PHLPP1: variants seen among roughly 807,000 people sequenced by gnomAD.
PHLPP1 encodes the protein PH domain and leucine rich repeat protein phosphatase 1.
A neutral mutation model predicts 117.2 loss-of-function variants in PHLPP1; 42 were observed. The ratio of observed to expected loss-of-function variants is 0.36; its 90% CI spans 0.28 to 0.46. PHLPP1 has a LOEUF of 0.46. PHLPP1 is among the 20% of genes least tolerant of loss of function. The probability of loss-of-function intolerance (pLI) is 1.00; values close to 1 mark genes in which losing one functional copy is unlikely to be tolerated. For synonymous variants in PHLPP1, 1,042 were observed against 970.7 expected (o/e 1.07, Z -1.37); for missense variants, 2,084 against 2,241.9 (o/e 0.93, Z 1.42).
At chr18:62,788,781 TGG>T (rs1913374300) in intron 1 of PHLPP1, among the ~76,000 whole-genome samples, 1 of 152,200 alleles carries the variant, frequency 6.6e-6, no homozygotes, top group Admixed American at 6.5e-5. Context: ...AGATAAAAGA[TGG>T]TTTACTCACA....
At chr18:62,812,056 G>C (rs1914139011) in intron 1 of PHLPP1, among the ~76,000 whole-genome samples, 1 of 152,222 alleles carries the variant, frequency 6.6e-6, no homozygotes, top group Non-Finnish European at 1.5e-5. Context: ...CAACCTCCTA[G>C]TTAGAACCAC....
intron 1 of PHLPP1, among the ~76,000 whole-genome samples, chr18:62,764,644 C>T (rs1228869355): frequency 2.7e-5 from 4 of 148,020 alleles, no homozygotes; most frequent in East Asian, 2.0e-4. Context: ...CCCAGCTACT[C>T]GAGAGGCTGA....
intron 14 of PHLPP1, among the ~76,000 whole-genome samples, chr18:62,967,650 A>G (rs1319155671): frequency 1.6e-4 from 25 of 152,008 alleles, no homozygotes; most frequent in Non-Finnish European, 2.4e-4. Flanking sequence ...CTTAGTTTTT[A>G]TAATAAACAG....
At chr18:62,938,974 T>TTTTCTTTCTTTC (rs71340137) in intron 10 of PHLPP1, among the ~76,000 whole-genome samples, 1 of 140,280 alleles carries the variant, frequency 7.1e-6, no homozygotes, top group African/African-American at 2.6e-5. Context: ...TTTTTGTCTT[T>TTTTCTTTCTTTC]TTTCTTTCTT....
intron 1 of PHLPP1, among the ~76,000 whole-genome samples, chr18:62,718,867 G>A (rs1338806297): frequency 1.3e-5 from 2 of 152,206 alleles, no homozygotes; most frequent in African/African-American, 2.4e-5. Context: ...ATTGTGATAA[G>A]TGTCCACGGA....
At chr18:62,731,317 C>G (rs182434257) in intron 1 of PHLPP1, 90 of 152,296 alleles carry the variant, frequency 5.9e-4, no homozygotes, top group African/African-American at 2.0e-3. Flanking sequence ...AGTATATATG[C>G]TGCCGAAGTG....
intron 10 of PHLPP1, among the ~76,000 whole-genome samples, chr18:62,928,916 T>C (rs1347556373): frequency 6.6e-6 from 1 of 152,192 alleles, no homozygotes; most frequent in East Asian, 1.9e-4. Context: ...TATGATTCTT[T>C]TTATATGAAA....
At position 62,869,264 on chromosome 18, in the gene PHLPP1, C is replaced by T. The variant is rs139242057; in HGVS notation, c.2066+8663C>T. 1.1e-3 allele frequency among the ~76,000 whole-genome samples: 174 copies of T among 152,184 alleles called. 2 individuals are homozygous for T. The highest frequency in any genetic ancestry group is 3.9e-3 in the African/African-American group (160 of 41,530). ...TGTCTTTGAATCAGGGACTCTGGTT[C>T]GTTTTCTTCCAGGGAATAAACTGTC... is the stretch of plus-strand genomic sequence containing the variant. On this transcript the variant is annotated intron_variant, in intron 4 of 16. Transcript: ENST00000262719.
intron 2 of PHLPP1, chr18:62,838,366 C>A (rs1914964168): frequency 6.5e-6 from 1 of 153,970 alleles, no homozygotes; most frequent in African/African-American, 2.4e-5. Flanking sequence ...GGTTTTATTA[C>A]AGGTTAATTT....
At chr18:62,926,935 C>T (rs183940623) in intron 10 of PHLPP1, among the ~76,000 whole-genome samples, 48 of 152,180 alleles carry the variant, frequency 3.2e-4, no homozygotes, top group East Asian at 3.1e-3. Flanking sequence ...TTGTGTCAAG[C>T]GACGGCAGAT....
chr18:62,903,996 T>C (rs1476560426), intron 7 of PHLPP1, among the ~76,000 whole-genome samples: 1 of 152,194 alleles, frequency 6.6e-6, no homozygotes. Context: ...AAACAAGTGT[T>C]CACTACTGCA....
At chr18:62,972,913 G>C (rs1350851662) in intron 15 of PHLPP1, among the ~76,000 whole-genome samples, 1 of 152,218 alleles carries the variant, frequency 6.6e-6, no homozygotes, top group African/African-American at 2.4e-5. Flanking sequence ...AGACAACTTT[G>C]TAGAAGGCTC....
intron 4 of PHLPP1, among the ~76,000 whole-genome samples, chr18:62,889,314 A>G (rs1377969728): frequency 6.6e-6 from 1 of 152,234 alleles, no homozygotes; most frequent in Non-Finnish European, 1.5e-5. Flanking sequence ...ATCAGCTCTT[A>G]AAATTTATAG....
At chr18:62,879,831 C>T (rs1440075441) in intron 4 of PHLPP1, among the ~76,000 whole-genome samples, 2 of 152,128 alleles carry the variant, frequency 1.3e-5, no homozygotes, top group East Asian at 3.8e-4. Flanking sequence ...TATAACATTG[C>T]ATGCTGAAGT....
chr18:62,863,126 AGCAGCCCTAAG>A (rs1915673111), intron 4 of PHLPP1, among the ~76,000 whole-genome samples: 1 of 151,852 alleles, frequency 6.6e-6, no homozygotes, highest in Non-Finnish European at 1.5e-5. Flanking sequence ...CCATAGGCAA[AGCAGCCCTAAG>A]GGCTGCTGGT....
chr18:62,739,711 G>C (rs1174115316), intron 1 of PHLPP1, among the ~76,000 whole-genome samples: 1 of 152,188 alleles, frequency 6.6e-6, no homozygotes, highest in African/African-American at 2.4e-5. Context: ...GTTAACCCTA[G>C]GTGGGAAGAG....
intron 1 of PHLPP1, among the ~76,000 whole-genome samples, chr18:62,718,290 CTT>C (rs900360678): frequency 2.6e-5 from 4 of 152,314 alleles, no homozygotes; most frequent in Admixed American, 2.0e-4. Context: ...TCTTCGCTAA[CTT>C]TACGTTTTTA....
intron 11 of PHLPP1, among the ~76,000 whole-genome samples, chr18:62,943,131 A>G (rs548360855): frequency 7.2e-5 from 11 of 152,218 alleles, no homozygotes; most frequent in African/African-American, 2.4e-4. Context: ...CTGAGGATAT[A>G]CCCCCAGTGA....
intron 1 of PHLPP1, among the ~76,000 whole-genome samples, chr18:62,784,979 G>T (rs541886263): frequency 6.6e-6 from 1 of 152,132 alleles, no homozygotes; most frequent in African/African-American, 2.4e-5. Context: ...TATTTATAAC[G>T]AAGGCAATTA....
Sources: allele counts gnomAD v4.1 joint callset (sites outside exome capture counted in the v4.1 genomes callset), GRCh38; gene constraint gnomAD v4.1.1; transcripts MANE v1.5; gene names NCBI Gene and HGNC (gene_info 2026-07-23, HGNC 2026-07-21).